The following ZMAT4 variants were observed in gnomAD, a reference collection of about 807,000 sequenced individuals.
ZMAT4 encodes zinc finger matrin-type 4, also known as zinc finger matrin-type protein 4.
A neutral mutation model predicts 28.7 loss-of-function variants in ZMAT4; 17 were observed. The observed-to-expected ratio is 0.59, with a 90% CI of 0.41 to 0.89. The LOEUF is 0.89. ZMAT4 is among the 40% of genes least tolerant of loss of function. The pLI is 0.00. For missense variants in ZMAT4, 240 were observed against 283.8 expected, an observed-to-expected ratio of 0.85 and a Z score of 1.11; for synonymous variants, 117 against 109.2, an observed-to-expected ratio of 1.07 and a Z score of -0.44.
intron 2 of ZMAT4, among the ~76,000 whole-genome samples, chr8:40,781,962 T>C (rs1202526601): frequency 6.6e-6 from 1 of 152,192 alleles, no homozygotes; most frequent in Middle Eastern, 3.4e-3. Context: ...TTGTAGGCCT[T>C]GAAGTAACAG....
intron 2 of ZMAT4, among the ~76,000 whole-genome samples, chr8:40,820,913 G>GTGTGTGTT (rs1407811299): frequency 2.6e-5 from 4 of 150,966 alleles, no homozygotes; most frequent in Admixed American, 1.3e-4. Flanking sequence ...TTGTGTGTAT[G>GTGTGTGTT]TGTGTGGGTG....
At chr8:40,836,293 TGAA>T (rs1341669668) in intron 1 of ZMAT4, among the ~76,000 whole-genome samples, 3 of 152,204 alleles carry the variant, frequency 2.0e-5, no homozygotes, top group Middle Eastern at 6.8e-3. Context: ...CATCAAGAGT[TGAA>T]GAAGGTGTGA....
At position 40,849,926 on chromosome 8, in the gene ZMAT4, T is replaced by C. The variant is rs186984513; in HGVS notation, c.-4-24246A>G. Reference sequence around the variant, plus strand: ...CCCGGAGGCTTCCCCACCTAGTACCTGGCACAACCATTCACCCCGCTGCTC... The same window carrying C: ...CCCGGAGGCTTCCCCACCTAGTACCCGGCACAACCATTCACCCCGCTGCTC... On this transcript the variant is annotated intron_variant, in intron 1 of 6. Transcript: ENST00000297737. Among the ~76,000 whole-genome samples the C allele has an allele frequency of 3.4e-3, 521 of 152,262 alleles. 1 individual carries two copies. Among genetic ancestry groups the C allele is most frequent in the Non-Finnish European group, 5.1e-3 (344 of 68,010 alleles).
intron 2 of ZMAT4, among the ~76,000 whole-genome samples, chr8:40,801,295 A>G (rs1311328966): frequency 6.7e-6 from 1 of 149,044 alleles, no homozygotes; most frequent in Non-Finnish European, 1.5e-5. Context: ...TATTTTAGGA[A>G]AAATTATACC....
At chr8:40,678,063 G>A (rs958356624) in intron 4 of ZMAT4, among the ~76,000 whole-genome samples, 5 of 152,106 alleles carry the variant, frequency 3.3e-5, no homozygotes, top group African/African-American at 1.2e-4. Flanking sequence ...AGCCTGATTC[G>A]TGTTTCCAAA....
At chr8:40,648,273 G>A (rs1807446715) in intron 5 of ZMAT4, among the ~76,000 whole-genome samples, 1 of 151,920 alleles carries the variant, frequency 6.6e-6, no homozygotes, top group Non-Finnish European at 1.5e-5. Flanking sequence ...GCTACGTGAA[G>A]AATGCAGAAG....
intron 1 of ZMAT4, among the ~76,000 whole-genome samples, chr8:40,856,726 G>A (rs111870254): frequency 2.7e-4 from 41 of 152,286 alleles, no homozygotes; most frequent in African/African-American, 9.1e-4. Context: ...CCAGGGACAG[G>A]GAAGAGCATT....
chr8:40,692,248 C>T (rs898087692), intron 4 of ZMAT4, among the ~76,000 whole-genome samples: 22 of 152,140 alleles, frequency 1.4e-4, no homozygotes, highest in Non-Finnish European at 2.9e-4. Flanking sequence ...ACACACATAA[C>T]CCTAGGGCCA....
chr8:40,716,716 G>C (rs370216548), intron 3 of ZMAT4, among the ~76,000 whole-genome samples: 166 of 152,218 alleles, frequency 1.1e-3, no homozygotes, highest in African/African-American at 3.7e-3. Context: ...AAATAAGAGA[G>C]AGTCAGTTTG....
At chr8:40,535,697 C>T (rs1045444238) in intron 6 of ZMAT4, among the ~76,000 whole-genome samples, 5 of 151,290 alleles carry the variant, frequency 3.3e-5, no homozygotes, top group African/African-American at 4.9e-5. Flanking sequence ...CAGATATGTA[C>T]ACAATCTTCC....
intron 4 of ZMAT4, among the ~76,000 whole-genome samples, chr8:40,683,106 T>C (rs1032528044): frequency 6.6e-6 from 1 of 152,154 alleles, no homozygotes; most frequent in African/African-American, 2.4e-5. Flanking sequence ...TGGCACATAA[T>C]AGGTGTTAAA....
intron 6 of ZMAT4, among the ~76,000 whole-genome samples, chr8:40,554,792 T>A (rs756356231): frequency 2.0e-5 from 3 of 152,176 alleles, no homozygotes; most frequent in Non-Finnish European, 4.4e-5. Flanking sequence ...TGAGTATTTA[T>A]CATTTCTATG....
chr8:40,566,807 G>T (rs1803939660), intron 6 of ZMAT4, among the ~76,000 whole-genome samples: 1 of 151,756 alleles, frequency 6.6e-6, no homozygotes, highest in African/African-American at 2.4e-5. Context: ...ACAACTAGGT[G>T]CTAATTTAGT....
chr8:40,858,833 T>C (rs772169769), intron 1 of ZMAT4, among the ~76,000 whole-genome samples: 13 of 152,150 alleles, frequency 8.5e-5, no homozygotes, highest in Non-Finnish European at 1.6e-4. Flanking sequence ...CATGATCAAA[T>C]ACAGGAAATC....
intron 5 of ZMAT4, among the ~76,000 whole-genome samples, chr8:40,582,659 C>A (rs1304180478): frequency 6.6e-6 from 1 of 152,110 alleles, no homozygotes; most frequent in Non-Finnish European, 1.5e-5. Flanking sequence ...GAAAATAATG[C>A]ACTATGCTGG....
At chr8:40,834,530 G>A (rs184652012) in intron 1 of ZMAT4, among the ~76,000 whole-genome samples, 31 of 152,164 alleles carry the variant, frequency 2.0e-4, no homozygotes, top group African/African-American at 7.0e-4. Context: ...TTCATGAAAC[G>A]AATTTTTACT....
intron 3 of ZMAT4, among the ~76,000 whole-genome samples, chr8:40,754,366 T>G (rs954224915): frequency 1.3e-5 from 2 of 152,188 alleles, no homozygotes; most frequent in Non-Finnish European, 2.9e-5. Context: ...CAATGAATCC[T>G]TCTTTCCTCT....
At chr8:40,869,964 G>A (rs1817796530) in intron 1 of ZMAT4, among the ~76,000 whole-genome samples, 1 of 152,002 alleles carries the variant, frequency 6.6e-6, no homozygotes, top group South Asian at 2.1e-4. Flanking sequence ...TGGGGCTCAG[G>A]ACACACCACC....
At chr8:40,593,840 T>C (rs952939474) in intron 5 of ZMAT4, among the ~76,000 whole-genome samples, 5 of 152,186 alleles carry the variant, frequency 3.3e-5, no homozygotes, top group African/African-American at 9.6e-5. Context: ...TAATCTTCGG[T>C]GTCCTTCTAG....
Sources: allele counts gnomAD v4.1 joint callset (sites outside exome capture counted in the v4.1 genomes callset), GRCh38; gene constraint gnomAD v4.1.1; transcripts MANE v1.5; gene names NCBI Gene and HGNC (gene_info 2026-07-23, HGNC 2026-07-21).